Variants in DDX4 observed in about 807,000 individuals in gnomAD.
DDX4 encodes DEAD-box helicase 4.
In DDX4, 25 loss-of-function variants were observed where a neutral mutation model predicts 100.0. That is an observed-to-expected ratio of 0.25 (90% CI 0.18 to 0.35). The LOEUF is 0.35. Among genes scored for constraint, DDX4 ranks in the 10% least tolerant of loss-of-function variants. The probability of loss-of-function intolerance (pLI) is 1.00; values close to 1 mark genes in which losing one functional copy is unlikely to be tolerated. For missense variants in DDX4, 635 were observed against 882.4 expected, an observed-to-expected ratio of 0.72 and a Z score of 3.55; for synonymous variants, 259 against 275.7, an observed-to-expected ratio of 0.94 and a Z score of 0.60.
rs35392036 is a variant in DDX4, at chr5:55,758,868, TAAAAAAAAAAAA to T, written c.128-1313_128-1302del. ...AGCTGCTGTATTACGTTTGTTTCCT[TAAAAAAAAAAAA>T]AAAAAAAAAAAAAAAAAAGAGGCAG... On this transcript the variant is annotated intron_variant, in intron 3 of 21. Coordinates refer to ENST00000505374, the MANE Select transcript of DDX4 (RefSeq NM_024415.3). Among the ~76,000 whole-genome samples, 32 of 70,322 alleles carry T rather than the reference TAAAAAAAAAAAA, an allele frequency of 4.6e-4. 1 individual carries two copies. Among genetic ancestry groups the T allele is most frequent in the East Asian group, 3.1e-3 (9 of 2,858 alleles). The allele number at this position is 70,322 out of a possible 152,430, so 46.1% of individuals were successfully genotyped here. A position where few individuals can be genotyped will look rare whatever the true frequency, so the allele number is the denominator to read the frequency against.
intron 18 of DDX4, among the ~76,000 whole-genome samples, chr5:55,806,282 A>T (rs1743708541): frequency 6.6e-6 from 1 of 151,938 alleles, no homozygotes; most frequent in African/African-American, 2.4e-5. Context: ...CAGCTCCTGG[A>T]TTCATTGATT....
chr5:55,761,904 C>T (rs1029692210), intron 4 of DDX4, among the ~76,000 whole-genome samples: 1 of 152,154 alleles, frequency 6.6e-6, no homozygotes, highest in Non-Finnish European at 1.5e-5. Flanking sequence ...GCCACCACGC[C>T]TGGACTGTAT....
chr5:55,755,297 T>G (rs1759855493), intron 3 of DDX4, among the ~76,000 whole-genome samples: 1 of 152,168 alleles, frequency 6.6e-6, no homozygotes, highest in South Asian at 2.1e-4. Flanking sequence ...ATTAGGCTAC[T>G]AATAGTTATT....
At chr5:55,782,682 T>C (rs989278209) in intron 10 of DDX4, among the ~76,000 whole-genome samples, 6 of 151,670 alleles carry the variant, frequency 4.0e-5, no homozygotes, top group African/African-American at 1.2e-4. Flanking sequence ...AAGACAGATA[T>C]AATATGTACA....
chr5:55,811,009 T>TC (rs1243986387), intron 18 of DDX4, among the ~76,000 whole-genome samples: 3 of 150,762 alleles, frequency 2.0e-5, no homozygotes, highest in South Asian at 4.2e-4. Context: ...CTTCTTTTTT[T>TC]CCCTTCTTTA....
intron 14 of DDX4, 72 bp from the exon 15 acceptor site, chr5:55,787,774 A>G: frequency 8.6e-6 from 13 of 1,520,306 alleles, no homozygotes; most frequent in South Asian, 1.3e-5. Flanking sequence ...CTATAAGGAC[A>G]TGAGGATTAG....
At chr5:55,767,995 A>G (rs764868412) in intron 7 of DDX4, 55 bp downstream of exon 7, 2 of 1,486,036 alleles carry the variant, frequency 1.3e-6, no homozygotes, top group African/African-American at 1.4e-5. Flanking sequence ...CTAAACTGGT[A>G]AAACTGATTT....
intron 18 of DDX4, among the ~76,000 whole-genome samples, chr5:55,803,957 A>G (rs1338046529): frequency 6.6e-6 from 1 of 151,710 alleles, no homozygotes; most frequent in Non-Finnish European, 1.5e-5. Flanking sequence ...AAGTGTTCCT[A>G]TTTCTCCACA....
intron 3 of DDX4, among the ~76,000 whole-genome samples, chr5:55,753,438 C>T (rs554440115): frequency 2.0e-4 from 31 of 152,180 alleles, no homozygotes; most frequent in African/African-American, 7.5e-4. Flanking sequence ...AATCCTTTCC[C>T]CATTGCTTGT....
At chr5:55,771,396 G>T (rs951059044) in intron 7 of DDX4, among the ~76,000 whole-genome samples, 2 of 152,102 alleles carry the variant, frequency 1.3e-5, no homozygotes, top group African/African-American at 4.8e-5. Flanking sequence ...GAATCATATA[G>T]TATGTAGTGT....
intron 12 of DDX4, 106 bp downstream of exon 12, chr5:55,785,600 A>G: frequency 7.7e-7 from 1 of 1,300,734 alleles, no homozygotes; most frequent in East Asian, 2.3e-5. Context: ...GAACAGTGAA[A>G]ACTTTAAAGG....
At position 55,792,812 on chromosome 5, in the gene DDX4, A is replaced by C; in HGVS notation, c.1469+5A>C. ...TTTTCCAGAGGAAATTCAAAGGTTA[A>C]GTTTTTTTCTTAAAAATAATTTAAT... On this transcript the variant is annotated splice_donor_5th_base_variant and intron_variant, in intron 17 of 21. Coordinates refer to ENST00000505374, the MANE Select transcript of DDX4 (RefSeq NM_024415.3). 1 of 1,385,038 alleles carries C rather than the reference A, an allele frequency of 7.2e-7. No individual in the cohort carries two copies. The highest frequency in any genetic ancestry group is 9.4e-7 in the Non-Finnish European group (1 of 1,063,500). 85.8% of individuals were successfully genotyped at this position (1,385,038 alleles called of 1,614,324 possible). A position where few individuals can be genotyped will look rare whatever the true frequency, so the allele number is the denominator to read the frequency against.
chr5:55,798,721 A>C (rs1561511663), intron 18 of DDX4, 150 bp downstream of exon 18: 1 of 628,924 alleles, frequency 1.6e-6, no homozygotes, highest in Non-Finnish European at 2.4e-6. Context: ...AAATTTTATG[A>C]TTCAGTTTTC....
chr5:55,746,306 T>C (rs1759246605), intron 3 of DDX4, 85 bp downstream of exon 3: 1 of 1,201,078 alleles, frequency 8.3e-7, no homozygotes, highest in South Asian at 1.6e-5. Flanking sequence ...AGTAGACATC[T>C]TGTAGAGGGT....
chr5:55,766,931 TG>T (rs1196383515), intron 6 of DDX4: 6 of 1,514,468 alleles, frequency 4.0e-6, no homozygotes, highest in Non-Finnish European at 5.3e-6. Flanking sequence ...TTTCTGGGAA[TG>T]GGGTCTAGGA....
intron 3 of DDX4, among the ~76,000 whole-genome samples, chr5:55,757,766 G>A (rs967905949): frequency 5.9e-5 from 9 of 152,104 alleles, no homozygotes; most frequent in African/African-American, 1.9e-4. Context: ...ATTACCCACC[G>A]GGCGCGGTGG....
rs1438305391 is a variant in DDX4 at position 55,758,350 on chromosome 5, G to C, written c.128-1850G>C. On this transcript the variant is annotated intron_variant, in intron 3 of 21. Coordinates refer to ENST00000505374, the MANE Select transcript of DDX4 (RefSeq NM_024415.3). ...TGCTAATATTTGTTTTTGAGATTTTGTATCTATGAGTAAGGTTTATAATTT... is the reference window on the plus strand; with the variant it reads ...TGCTAATATTTGTTTTTGAGATTTTCTATCTATGAGTAAGGTTTATAATTT... Among the ~76,000 whole-genome samples the C allele has an allele frequency of 2.0e-5, 3 of 152,050 alleles. 1 individual carries two copies. Among genetic ancestry groups the C allele is most frequent in the African/African-American group, 7.2e-5 (3 of 41,386 alleles).
At chr5:55,747,947 A>G (rs979843427) in intron 3 of DDX4, among the ~76,000 whole-genome samples, 1 of 152,228 alleles carries the variant, frequency 6.6e-6, no homozygotes, top group African/African-American at 2.4e-5. Context: ...AGGGAGCTGC[A>G]TGCTCACTGA....
intron 7 of DDX4, among the ~76,000 whole-genome samples, chr5:55,769,574 C>T (rs986071939): frequency 3.9e-5 from 6 of 152,126 alleles, no homozygotes; most frequent in African/African-American, 9.7e-5. Context: ...GCATTCCTAT[C>T]CACTATATTG....
Sources: allele counts gnomAD v4.1 joint callset (sites outside exome capture counted in the v4.1 genomes callset), GRCh38; gene constraint gnomAD v4.1.1; transcripts MANE v1.5; gene names NCBI Gene and HGNC (gene_info 2026-07-23, HGNC 2026-07-21).